ASTN2: variants seen among roughly 807,000 people sequenced by gnomAD.
The protein encoded by ASTN2 is astrotactin-2.
In ASTN2, 54 loss-of-function variants were observed where a neutral mutation model predicts 139.8. The observed-to-expected ratio is 0.39, with a 90% CI of 0.31 to 0.48. ASTN2 has a LOEUF of 0.48. Among genes scored for constraint, ASTN2 ranks in the 20% least tolerant of loss-of-function variants. The pLI is 0.95. For missense variants in ASTN2, 1,565 were observed against 1,725.1 expected, an observed-to-expected ratio of 0.91 and a Z score of 1.64; for synonymous variants, 756 against 719.5, an observed-to-expected ratio of 1.05 and a Z score of -0.81.
chr9:116,523,945 A>G (rs1436026353), intron 19 of ASTN2, among the ~76,000 whole-genome samples: 1 of 152,214 alleles, frequency 6.6e-6, no homozygotes, highest in East Asian at 1.9e-4. Flanking sequence ...TTACAGATGC[A>G]TGGACTATAT....
intron 1 of ASTN2, among the ~76,000 whole-genome samples, chr9:117,312,975 A>C (rs1828024156): frequency 6.6e-6 from 1 of 152,192 alleles, no homozygotes; most frequent in African/African-American, 2.4e-5. Context: ...CAAACCCCAG[A>C]GTCTTGTTGA....
chr9:116,776,938 C>CT (rs1208115161), intron 13 of ASTN2, among the ~76,000 whole-genome samples: 1 of 152,158 alleles, frequency 6.6e-6, no homozygotes, highest in African/African-American at 2.4e-5. Flanking sequence ...AACTTGATAG[C>CT]TTTTCCTGAC....
chr9:117,073,380 T>C (rs1022108875), intron 5 of ASTN2, among the ~76,000 whole-genome samples: 3 of 152,124 alleles, frequency 2.0e-5, no homozygotes, highest in Non-Finnish European at 4.4e-5. Flanking sequence ...CTTTGCAATA[T>C]CATCTATTTC....
At chr9:117,116,161 A>G (rs1421682408) in intron 4 of ASTN2, among the ~76,000 whole-genome samples, 3 of 152,134 alleles carry the variant, frequency 2.0e-5, no homozygotes, top group Non-Finnish European at 4.4e-5. Flanking sequence ...GAGCTGTGGA[A>G]CACATGGCAG....
chr9:116,715,119 A>G (rs1447821770), intron 16 of ASTN2, among the ~76,000 whole-genome samples: 1 of 148,336 alleles, frequency 6.7e-6, no homozygotes, highest in Non-Finnish European at 1.5e-5. Context: ...AAAAAAAAAA[A>G]AGAATCATGT....
At chr9:116,943,043 G>A (rs912513585) in intron 10 of ASTN2, among the ~76,000 whole-genome samples, 2 of 152,160 alleles carry the variant, frequency 1.3e-5, no homozygotes, top group Non-Finnish European at 2.9e-5. Context: ...ACGTGTTTGA[G>A]TTTCTTAACC....
At chr9:117,248,351 G>A (rs1343375196) in intron 2 of ASTN2, among the ~76,000 whole-genome samples, 1 of 152,158 alleles carries the variant, frequency 6.6e-6, no homozygotes, top group Non-Finnish European at 1.5e-5. Context: ...AAGTGGAATC[G>A]AATAAAAAGA....
At chr9:117,060,481 GA>G (rs1839245758) in intron 5 of ASTN2, among the ~76,000 whole-genome samples, 1 of 91,014 alleles carries the variant, frequency 1.1e-5, no homozygotes, top group East Asian at 3.8e-4. Context: ...AGGAAGGAAG[GA>G]AGGAATGAAA....
At chr9:116,744,724 G>T (rs916168134) in intron 13 of ASTN2, among the ~76,000 whole-genome samples, 1 of 152,136 alleles carries the variant, frequency 6.6e-6, no homozygotes, top group African/African-American at 2.4e-5. Context: ...CCCAGTATTT[G>T]CTTATTATTA....
chr9:116,652,386 AG>A (rs1422169242), intron 16 of ASTN2, among the ~76,000 whole-genome samples: 1 of 152,158 alleles, frequency 6.6e-6, no homozygotes, highest in Non-Finnish European at 1.5e-5. Context: ...AGGTTGGGCT[AG>A]ATTATTATTC....
At chr9:116,457,507 G>T (rs1246578865) in intron 20 of ASTN2, among the ~76,000 whole-genome samples, 1 of 151,916 alleles carries the variant, frequency 6.6e-6, no homozygotes, top group Admixed American at 6.6e-5. Context: ...ATACCAAAAA[G>T]ATTCTAATAA....
chr9:116,817,236 G>T (rs1036051067), intron 12 of ASTN2, among the ~76,000 whole-genome samples: 2 of 151,874 alleles, frequency 1.3e-5, no homozygotes, highest in Non-Finnish European at 1.5e-5. Context: ...GGAGGTTGCA[G>T]TGAGCTGAGA....
chr9:117,403,981 G>A (rs1401764710), intron 1 of ASTN2, among the ~76,000 whole-genome samples: 2 of 152,054 alleles, frequency 1.3e-5, no homozygotes, highest in Non-Finnish European at 2.9e-5. Flanking sequence ...GAGGGGGAGG[G>A]GAAAGGAAAT....
At chr9:116,819,007 T>C (rs888682708) in intron 12 of ASTN2, among the ~76,000 whole-genome samples, 1 of 152,048 alleles carries the variant, frequency 6.6e-6, no homozygotes, top group Non-Finnish European at 1.5e-5. Flanking sequence ...ATTTTACTGG[T>C]GAGAAAATGG....
At chr9:117,078,498 T>G (rs946508502) in intron 5 of ASTN2, among the ~76,000 whole-genome samples, 1 of 152,204 alleles carries the variant, frequency 6.6e-6, no homozygotes, top group African/African-American at 2.4e-5. Flanking sequence ...AAATACCATG[T>G]TATTAGAAGC....
In ASTN2 at chr9:116,976,717, A is replaced by C; in HGVS notation, c.1660T>G (p.Trp554Gly). The change falls in exon 8 of 23, where the codon TGG becomes GGG. Residue 554 changes from tryptophan (W) to glycine (G), a missense_variant. Trp to Gly is a radical substitution (Grantham distance 184). This residue lies in a region of ASTN2 where 503 missense variants were observed against 591.7 expected (regional missense o/e 0.85). Transcript: ENST00000313400. The stretch of plus-strand genomic sequence containing the variant: ...GCCACTCACCCTTCACTCTGTCCCC[A>C]GTCACTGCGCACACACAGGTGTCTG... Reference protein sequence around the residue: ...VHRHLCVRSDWGQSEGPWPYT... With the variant: ...VHRHLCVRSDGGQSEGPWPYT... 6.2e-7 allele frequency: 1 copy of C among 1,614,084 alleles called. No individual in the cohort carries two copies. Among genetic ancestry groups the C allele is most frequent in the Non-Finnish European group, 8.5e-7 (1 of 1,179,950 alleles).
At chr9:116,709,088 C>T (rs1023418850) in intron 16 of ASTN2, among the ~76,000 whole-genome samples, 2 of 152,204 alleles carry the variant, frequency 1.3e-5, no homozygotes, top group African/African-American at 2.4e-5. Context: ...TTGTCACCGG[C>T]CCTCAGCCTG....
intron 10 of ASTN2, among the ~76,000 whole-genome samples, chr9:116,887,376 G>C (rs532536693): frequency 6.6e-6 from 1 of 152,018 alleles, no homozygotes; most frequent in South Asian, 2.1e-4. Context: ...GTTTAGGATG[G>C]GAGGGGTGCA....
At chr9:116,655,873 T>TGTTGTTG (rs112582225) in intron 16 of ASTN2, among the ~76,000 whole-genome samples, 3 of 151,362 alleles carry the variant, frequency 2.0e-5, no homozygotes, top group African/African-American at 7.3e-5. Flanking sequence ...TCTTGTGTTT[T>TGTTGTTG]TTGTTGTTGT....
Sources: gnomAD v4.1 joint callset for allele counts (sites outside exome capture counted in the v4.1 genomes callset) on GRCh38, gnomAD v4.1.1 for gene constraint, gnomAD v4.1.1 regional missense constraint, MANE v1.5 for transcripts, NCBI Gene and HGNC (gene_info 2026-07-23, HGNC 2026-07-21) for gene names.